Variants in GRIK3 observed in about 807,000 individuals in gnomAD.
GRIK3 encodes the protein glutamate receptor ionotropic, kainate 3.
In GRIK3, 29 loss-of-function variants were observed where a neutral mutation model predicts 102.5. The ratio of observed to expected loss-of-function variants is 0.28; its 90% CI spans 0.21 to 0.39. The LOEUF (loss-of-function observed/expected upper bound fraction) is 0.39. GRIK3 is among the 10% of genes least tolerant of loss of function. The pLI is 1.00. For synonymous variants in GRIK3, 511 were observed against 504.9 expected (o/e 1.01, Z -0.16); for missense variants, 908 against 1,252.4 (o/e 0.73, Z 4.15).
intron 9 of GRIK3, among the ~76,000 whole-genome samples, chr1:36,846,637 T>G (rs1431592620): frequency 6.6e-6 from 1 of 152,144 alleles, no homozygotes; most frequent in Non-Finnish European, 1.5e-5. Context: ...ACATTCAGGC[T>G]GCGAAGCATG....
intron 8 of GRIK3, among the ~76,000 whole-genome samples, chr1:36,853,302 C>T (rs1234873819): frequency 6.6e-6 from 1 of 152,194 alleles, no homozygotes; most frequent in Non-Finnish European, 1.5e-5. Context: ...GACTCAGAGA[C>T]AGTCCATCCA....
chr1:36,935,797 A>C (rs182874817), intron 1 of GRIK3, among the ~76,000 whole-genome samples: 11 of 152,368 alleles, frequency 7.2e-5, no homozygotes, highest in African/African-American at 2.4e-4. Flanking sequence ...AAAGAATCGG[A>C]AAACTCAAGC....
At chr1:36,967,335 A>T (rs59658937) in intron 1 of GRIK3, among the ~76,000 whole-genome samples, 8,536 of 152,286 alleles carry the variant, frequency 0.056, 582 homozygotes, top group African/African-American at 0.17. Flanking sequence ...CTCACTCTGA[A>T]GCTTTTCTCT....
chr1:36,806,331 G>A lies in GRIK3; in HGVS notation c.2092-5C>T, dbSNP rs1188845435. 1 of 1,602,070 alleles carries A rather than the reference G, an allele frequency of 6.2e-7. No individual in the cohort carries two copies. Among genetic ancestry groups the A allele is most frequent in the Non-Finnish European group, 8.5e-7 (1 of 1,170,176 alleles). Reference sequence around the variant, plus strand: ...GAAGGTGGAGATCTTGGATTTCTGGGCCGTGAGGGAAGGGGTGATGCACAC... The same window carrying A: ...GAAGGTGGAGATCTTGGATTTCTGGACCGTGAGGGAAGGGGTGATGCACAC... On this transcript the variant is annotated splice_polypyrimidine_tract_variant and splice_region_variant and intron_variant, in intron 13 of 15. Coordinates refer to ENST00000373091, the MANE Select transcript of GRIK3 (RefSeq NM_000831.4). The surrounding 1 kb of genome is among the most constrained non-coding windows in gnomAD (Gnocchi z 4.0).
At chr1:36,804,686 A>T in intron 15 of GRIK3, 1 of 509,980 alleles carries the variant, frequency 2.0e-6, no homozygotes. Context: ...ACAAGGTACC[A>T]GTTGCTGTGT....
intron 1 of GRIK3, among the ~76,000 whole-genome samples, chr1:36,928,727 C>T (rs556210535): frequency 1.3e-5 from 2 of 152,224 alleles, no homozygotes; most frequent in Non-Finnish European, 2.9e-5. Flanking sequence ...AAAAAATCCC[C>T]CCAAACTTCT....
chr1:36,836,056 T>A (rs1394206435), intron 10 of GRIK3, among the ~76,000 whole-genome samples: 2 of 152,098 alleles, frequency 1.3e-5, no homozygotes, highest in Non-Finnish European at 2.9e-5. Flanking sequence ...AACTGCCCTG[T>A]CCCCTCCAGG....
At chr1:36,951,342 C>T (rs1023272944) in intron 1 of GRIK3, among the ~76,000 whole-genome samples, 4 of 152,248 alleles carry the variant, frequency 2.6e-5, no homozygotes, top group African/African-American at 9.6e-5. Context: ...ACAGCAAATA[C>T]TTAGGGGTCC....
At chr1:37,023,507 T>C (rs1569578393) in intron 1 of GRIK3, among the ~76,000 whole-genome samples, 1 of 152,202 alleles carries the variant, frequency 6.6e-6, no homozygotes, top group East Asian at 1.9e-4. Flanking sequence ...TGGCAGATCA[T>C]AAAGGGCCTG....
chr1:36,987,009 CA>C (rs1642313789), intron 1 of GRIK3, among the ~76,000 whole-genome samples: 1 of 152,210 alleles, frequency 6.6e-6, no homozygotes. Flanking sequence ...GAAATCCTAG[CA>C]CATCCATTTA....
chr1:36,854,581 A>G (rs1640627396), intron 7 of GRIK3, among the ~76,000 whole-genome samples: 1 of 152,056 alleles, frequency 6.6e-6, no homozygotes, highest in South Asian at 2.1e-4. Flanking sequence ...GCTTCTGTAA[A>G]TGGTTTATTA....
At chr1:36,856,024 C>T (rs1010586309) in intron 7 of GRIK3, among the ~76,000 whole-genome samples, 18 of 152,154 alleles carry the variant, frequency 1.2e-4, no homozygotes, top group African/African-American at 4.1e-4. Flanking sequence ...AAGGTGGAGT[C>T]GGGGAAGCTT....
intron 1 of GRIK3, among the ~76,000 whole-genome samples, chr1:36,961,268 C>A (rs1642005761): frequency 6.6e-6 from 1 of 152,242 alleles, no homozygotes. Flanking sequence ...CTGGCTCAGG[C>A]CCAGGCTAGG....
intron 1 of GRIK3, among the ~76,000 whole-genome samples, chr1:36,905,518 G>A (rs184997992): frequency 4.0e-5 from 6 of 150,652 alleles, no homozygotes; most frequent in South Asian, 4.2e-4. Context: ...AAGCTTTAGC[G>A]AAATGTTCTT....
At chr1:36,804,920 T>A (rs759243380) in intron 15 of GRIK3, 67 bp downstream of exon 15, 55 of 1,572,932 alleles carry the variant, frequency 3.5e-5, no homozygotes, top group Non-Finnish European at 4.0e-5. Context: ...GCCTGGCACA[T>A]ACAGGAGTGA....
chr1:36,920,013 T>C (rs1346486150), intron 1 of GRIK3, among the ~76,000 whole-genome samples: 2 of 152,210 alleles, frequency 1.3e-5, no homozygotes, highest in East Asian at 1.9e-4. Context: ...GCAAAGTGTG[T>C]GTCCCACCCC....
intron 9 of GRIK3, among the ~76,000 whole-genome samples, chr1:36,848,522 A>G (rs931396149): frequency 2.0e-5 from 3 of 151,690 alleles, no homozygotes; most frequent in Admixed American, 1.3e-4. Flanking sequence ...TGGGTGTTAC[A>G]TTTTTTACCT....
At chr1:36,853,535 G>A (rs1233801132) in intron 8 of GRIK3, 80 bp downstream of exon 8, 2 of 906,092 alleles carry the variant, frequency 2.2e-6, no homozygotes, top group Non-Finnish European at 3.7e-6. Context: ...TTGCCTCTGG[G>A]CCTCTGACTG....
chr1:36,852,487 T>C (rs141328973), intron 8 of GRIK3, among the ~76,000 whole-genome samples: 5 of 152,284 alleles, frequency 3.3e-5, no homozygotes, highest in Non-Finnish European at 7.4e-5. Context: ...AGTTGGTGCA[T>C]TTCTTGGAGA....
Sources: allele counts gnomAD v4.1 joint callset (sites outside exome capture counted in the v4.1 genomes callset), GRCh38; gene constraint gnomAD v4.1.1; non-coding constraint Gnocchi (gnomAD v3.1); transcripts MANE v1.5; gene names NCBI Gene and HGNC (gene_info 2026-07-23, HGNC 2026-07-21).